LGR5: variants seen among roughly 807,000 people sequenced by gnomAD.
LGR5 encodes leucine-rich repeat-containing G protein-coupled receptor 5.
In LGR5, 54 loss-of-function variants were observed where a neutral mutation model predicts 76.7. That is an observed-to-expected ratio of 0.70 (90% CI 0.57 to 0.88). The LOEUF is 0.88. LGR5 is among the 40% of genes least tolerant of loss of function. The probability of loss-of-function intolerance (pLI) is 0.00; values close to 1 mark genes in which losing one functional copy is unlikely to be tolerated. For missense variants in LGR5, 1,078 were observed against 1,073.3 expected, an observed-to-expected ratio of 1.00 and a Z score of -0.06; for synonymous variants, 406 against 421.9, an observed-to-expected ratio of 0.96 and a Z score of 0.46.
intron 4 of LGR5, among the ~76,000 whole-genome samples, chr12:71,546,562 G>T (rs1877176162): frequency 1.3e-5 from 2 of 151,984 alleles, no homozygotes; most frequent in African/African-American, 2.4e-5. Context: ...ACCAAGTTCT[G>T]CCAGGCCCAC....
intron 1 of LGR5, among the ~76,000 whole-genome samples, chr12:71,498,958 G>T (rs539603550): frequency 1.5e-3 from 235 of 152,340 alleles, no homozygotes; most frequent in African/African-American, 4.8e-3. Context: ...ATGGGAGTAA[G>T]TTGAGCAACA....
intron 1 of LGR5, among the ~76,000 whole-genome samples, chr12:71,453,374 T>C (rs1023767133): frequency 5.3e-5 from 8 of 152,206 alleles, no homozygotes; most frequent in African/African-American, 1.9e-4. Flanking sequence ...AGTAGGCTGA[T>C]GGCACAATGT....
Position 71,559,635 on chromosome 12 carries a change from C to A in LGR5, c.766C>A (p.Leu256Ile). ...TGAATTCCCCACTGCAATTAGGACA[C>A]TCTCCAACCTTAAAGAACTGTAAGT... ...LDEFPTAIRT[L>I]SNLKELGFHS... is the part of the protein sequence containing the mutation. The change falls in exon 7 of 18, where the codon CTC becomes ATC. Residue 256 changes from leucine to isoleucine, a missense_variant. Coordinates refer to ENST00000266674, the MANE Select transcript of LGR5 (RefSeq NM_003667.4). 1 of 1,557,464 alleles carries A rather than the reference C, an allele frequency of 6.4e-7. No homozygotes were observed. The highest frequency in any genetic ancestry group is 8.9e-7 in the Non-Finnish European group (1 of 1,129,302).
At position 71,583,776 on chromosome 12, in the gene LGR5, T is replaced by C; in HGVS notation, c.1766T>C (p.Ile589Thr). 1 of 1,614,088 alleles carries C rather than the reference T, an allele frequency of 6.2e-7. No homozygotes were observed. The highest frequency in any genetic ancestry group is 8.5e-7 in the Non-Finnish European group (1 of 1,180,002). Residue 589 changes from isoleucine (I) to threonine (T), a missense_variant, in exon 18 of 18, where the codon ATT becomes ACT. Transcript: ENST00000266674. The part of the protein sequence containing the change: ...TSTVFRSPLY[I>T]SPIKLLIGVI... ...ACAGTTTTCAGATCCCCTCTGTACA[T>C]TTCCCCCATTAAACTGTTAATTGGG...
At chr12:71,516,197 C>A (rs1385689229) in intron 2 of LGR5, among the ~76,000 whole-genome samples, 1 of 151,120 alleles carries the variant, frequency 6.6e-6, no homozygotes, top group African/African-American at 2.4e-5. Context: ...AAAAGACCTT[C>A]ATGAAAGAAC....
intron 4 of LGR5, among the ~76,000 whole-genome samples, chr12:71,546,576 T>C (rs1280831): frequency 0.89 from 134,761 of 151,948 alleles, 60,103 homozygotes; most frequent in East Asian, 1. Flanking sequence ...GGCCCACATA[T>C]TTAACATCTC....
At chr12:71,520,365 G>A (rs187039083) in intron 2 of LGR5, among the ~76,000 whole-genome samples, 68 of 152,246 alleles carry the variant, frequency 4.5e-4, no homozygotes, top group African/African-American at 1.6e-3. Flanking sequence ...CATAGACAGA[G>A]GATGTAGAAT....
intron 1 of LGR5, among the ~76,000 whole-genome samples, chr12:71,489,808 G>A (rs895514547): frequency 6.6e-6 from 1 of 152,158 alleles, no homozygotes; most frequent in Non-Finnish European, 1.5e-5. Context: ...CACACCTGCA[G>A]TCCCAGCACT....
At chr12:71,540,743 C>T (rs1207985521) in intron 4 of LGR5, among the ~76,000 whole-genome samples, 1 of 152,024 alleles carries the variant, frequency 6.6e-6, no homozygotes, top group East Asian at 1.9e-4. Context: ...ATCCAGGAGG[C>T]TATTGGGCTT....
intron 1 of LGR5, among the ~76,000 whole-genome samples, chr12:71,478,702 A>G (rs887951600): frequency 6.6e-6 from 1 of 152,200 alleles, no homozygotes; most frequent in East Asian, 1.9e-4. Context: ...TTTAGTTTAA[A>G]GAAAGGGAAT....
intron 4 of LGR5, among the ~76,000 whole-genome samples, chr12:71,542,598 T>C (rs1472287696): frequency 6.6e-6 from 1 of 152,156 alleles, no homozygotes; most frequent in African/African-American, 2.4e-5. Context: ...ATTCGAGAAA[T>C]ATCTAGGAGA....
At chr12:71,489,687 C>T (rs1043559010) in intron 1 of LGR5, among the ~76,000 whole-genome samples, 7 of 152,232 alleles carry the variant, frequency 4.6e-5, no homozygotes, top group African/African-American at 1.7e-4. Flanking sequence ...ATGGGATTTC[C>T]ACTAGAAATG....
intron 1 of LGR5, among the ~76,000 whole-genome samples, chr12:71,476,962 G>T (rs1873362676): frequency 1.3e-5 from 2 of 152,030 alleles, no homozygotes; most frequent in Admixed American, 1.3e-4. Context: ...TGACAGAAAA[G>T]GAACTTAAAA....
At chr12:71,547,963 A>C (rs1034931597) in intron 4 of LGR5, among the ~76,000 whole-genome samples, 1 of 149,874 alleles carries the variant, frequency 6.7e-6, no homozygotes, top group Admixed American at 6.7e-5. Context: ...TATATACTAT[A>C]AACTATATGT....
At chr12:71,545,208 G>A (rs538421649) in intron 4 of LGR5, among the ~76,000 whole-genome samples, 1 of 152,168 alleles carries the variant, frequency 6.6e-6, no homozygotes, top group Non-Finnish European at 1.5e-5. Context: ...CACTTTCGGA[G>A]GCCAAGGCGG....
At chr12:71,483,772 GGT>G (rs145881403) in intron 1 of LGR5, among the ~76,000 whole-genome samples, 4 of 151,086 alleles carry the variant, frequency 2.6e-5, no homozygotes, top group African/African-American at 4.9e-5. Flanking sequence ...TTGTGTGTGT[GGT>G]GTGTGTGTGT....
chr12:71,475,982 C>T (rs1008370700), intron 1 of LGR5, among the ~76,000 whole-genome samples: 1 of 152,128 alleles, frequency 6.6e-6, no homozygotes, highest in African/African-American at 2.4e-5. Context: ...ATAGAAAAAT[C>T]ACTGATATGT....
At chr12:71,569,086 G>A in intron 11 of LGR5, among the ~76,000 whole-genome samples, 1 of 152,192 alleles carries the variant, frequency 6.6e-6, no homozygotes, top group Non-Finnish European at 1.5e-5. Context: ...AATAAATGGT[G>A]CTGAGAGAAC....
At chr12:71,514,975 A>G (rs1024136284) in intron 2 of LGR5, among the ~76,000 whole-genome samples, 2 of 152,222 alleles carry the variant, frequency 1.3e-5, no homozygotes, top group Admixed American at 6.5e-5. Flanking sequence ...TATCCAAGGC[A>G]CTAAATTGGC....
Sources: gnomAD v4.1 joint callset for allele counts (sites outside exome capture counted in the v4.1 genomes callset) on GRCh38, gnomAD v4.1.1 for gene constraint, MANE v1.5 for transcripts, NCBI Gene and HGNC (gene_info 2026-07-23, HGNC 2026-07-21) for gene names.